The following PCBD2 variants were observed in gnomAD, a reference collection of about 807,000 sequenced individuals.
PCBD2 encodes pterin-4-alpha-carbinolamine dehydratase 2.
PCBD2 carries 12 observed loss-of-function variants against 16.4 expected under a neutral mutation model. That is an observed-to-expected ratio of 0.73 (90% confidence interval 0.47 to 1.19). PCBD2 has a LOEUF of 1.19. Among genes scored for constraint, PCBD2 ranks in the 50% most tolerant of loss-of-function variants. The pLI, the probability that PCBD2 is intolerant of heterozygous loss-of-function variation, is 0.00. For missense variants in PCBD2, 138 were observed against 156.8 expected (o/e 0.88, Z 0.64); for synonymous variants, 58 against 61.8 (o/e 0.94, Z 0.29).
chr5:134,915,099 G>A (rs1327432316), intron 2 of PCBD2, among the ~76,000 whole-genome samples: 3 of 152,020 alleles, frequency 2.0e-5, no homozygotes, highest in Non-Finnish European at 2.9e-5. Flanking sequence ...GGTGGATCAC[G>A]AAGTCAGGAG....
At chr5:134,913,880 A>G (rs1445480013) in intron 2 of PCBD2, among the ~76,000 whole-genome samples, 3 of 152,136 alleles carry the variant, frequency 2.0e-5, no homozygotes, top group Non-Finnish European at 4.4e-5. Context: ...GGTTCAAGCT[A>G]TAGTGTAAAG....
chr5:134,912,109 A>C (rs1750775182), intron 2 of PCBD2, among the ~76,000 whole-genome samples: 1 of 152,182 alleles, frequency 6.6e-6, no homozygotes, highest in Non-Finnish European at 1.5e-5. Flanking sequence ...AGGGAAGCAT[A>C]CTGGATTGAT....
intron 2 of PCBD2, among the ~76,000 whole-genome samples, chr5:134,946,694 T>A (rs1245099972): frequency 6.6e-6 from 1 of 152,204 alleles, no homozygotes; most frequent in African/African-American, 2.4e-5. Context: ...TTATAGAAAA[T>A]GTATTTACTG....
chr5:134,919,005 C>T (rs900233907), intron 2 of PCBD2, among the ~76,000 whole-genome samples: 2 of 152,208 alleles, frequency 1.3e-5, no homozygotes, highest in African/African-American at 4.8e-5. Flanking sequence ...AAACAGGTGT[C>T]AACAATGCAA....
intron 1 of PCBD2, among the ~76,000 whole-genome samples, chr5:134,907,246 ATTCT>A (rs1274206841): frequency 1.3e-5 from 2 of 152,216 alleles, no homozygotes; most frequent in Admixed American, 1.3e-4. Flanking sequence ...GAATTTCAGA[ATTCT>A]TTCTTTTTTT....
At chr5:134,914,374 G>A (rs921204220) in intron 2 of PCBD2, among the ~76,000 whole-genome samples, 9 of 152,160 alleles carry the variant, frequency 5.9e-5, no homozygotes, top group Non-Finnish European at 8.8e-5. Flanking sequence ...CTTGAGAAAC[G>A]TGGCTGGTTG....
At chr5:134,938,842 A>G (rs1365356930) in intron 2 of PCBD2, among the ~76,000 whole-genome samples, 1 of 152,228 alleles carries the variant, frequency 6.6e-6, no homozygotes, top group African/African-American at 2.4e-5. Context: ...ATTTATTACT[A>G]ACTCATAAAG....
intron 2 of PCBD2, chr5:134,928,137 G>A (rs1468720500): frequency 2.6e-6 from 1 of 391,850 alleles, no homozygotes; most frequent in Non-Finnish European, 4.5e-6. Context: ...GCAAAGACTA[G>A]TATGGCGATA....
intron 2 of PCBD2, among the ~76,000 whole-genome samples, chr5:134,914,612 G>GGGAA: frequency 6.6e-6 from 1 of 152,222 alleles, no homozygotes; most frequent in South Asian, 2.1e-4. Context: ...CGGCAGGGTA[G>GGGAA]GGAAGTACAG....
At chr5:134,943,223 C>T (rs1420266573) in intron 2 of PCBD2, among the ~76,000 whole-genome samples, 1 of 152,180 alleles carries the variant, frequency 6.6e-6, no homozygotes, top group Non-Finnish European at 1.5e-5. Flanking sequence ...CAGAAAACCC[C>T]TTCCATTCAT....
At chr5:134,923,538 T>A (rs1364781699) in intron 2 of PCBD2, 2 of 307,722 alleles carry the variant, frequency 6.5e-6, no homozygotes, top group African/African-American at 4.3e-5. Context: ...GGTGGGACTA[T>A]CTACTGAGTA....
At chr5:134,950,500 A>G (rs1751347076) in intron 2 of PCBD2, among the ~76,000 whole-genome samples, 1 of 152,180 alleles carries the variant, frequency 6.6e-6, no homozygotes, top group Non-Finnish European at 1.5e-5. Context: ...TTGATGCACG[A>G]TTTTTGTCTT....
rs11301782 is a variant in PCBD2 at position 134,939,340 on chromosome 5, GTT to G, written c.217-19688_217-19687del. Among the ~76,000 whole-genome samples, 29 of 138,550 alleles carry G rather than the reference GTT, an allele frequency of 2.1e-4. No individual in the cohort carries two copies. The East Asian group carries it at 4.3e-3, about 20-fold the overall frequency. The allele number at this position is 138,550 out of a possible 152,430, so 90.9% of individuals were successfully genotyped here. ...TATTTTCAGGTTTTGATGTTTTGTT[GTT>G]TTTTTTTTTTTGAGATTCTGAAGTT... is the stretch of plus-strand genomic sequence containing the variant. On this transcript the variant is annotated intron_variant, in intron 2 of 3. Coordinates refer to ENST00000254908, the MANE Select transcript of PCBD2 (RefSeq NM_032151.5).
At chr5:134,942,448 CATT>C (rs1467469569) in intron 2 of PCBD2, among the ~76,000 whole-genome samples, 2 of 151,962 alleles carry the variant, frequency 1.3e-5, no homozygotes, top group South Asian at 2.1e-4. Flanking sequence ...TATAAATGCT[CATT>C]ATATTTTCCC....
chr5:134,932,861 A>C (rs1751115336), intron 2 of PCBD2, among the ~76,000 whole-genome samples: 1 of 152,106 alleles, frequency 6.6e-6, no homozygotes, highest in Admixed American at 6.6e-5. Context: ...TGTGTTTAAA[A>C]CTGTGAGCTT....
intron 2 of PCBD2, among the ~76,000 whole-genome samples, chr5:134,937,515 A>G (rs1291333634): frequency 6.6e-6 from 1 of 152,244 alleles, no homozygotes; most frequent in Non-Finnish European, 1.5e-5. Context: ...TACATTGCCT[A>G]TTTACCAATT....
At chr5:134,952,277 A>C (rs1156944158) in intron 2 of PCBD2, among the ~76,000 whole-genome samples, 1 of 152,038 alleles carries the variant, frequency 6.6e-6, no homozygotes, top group East Asian at 1.9e-4. Context: ...CGTATTAAGG[A>C]AGGATGCATC....
chr5:134,959,679 T>G (rs1751453527), intron 3 of PCBD2, among the ~76,000 whole-genome samples: 1 of 152,126 alleles, frequency 6.6e-6, no homozygotes, highest in Admixed American at 6.5e-5. Context: ...TTCTATGAAG[T>G]CTTCTCTGTG....
Position 134,949,207 on chromosome 5 carries a change from C to T in PCBD2, c.217-9833C>T, listed in dbSNP as rs1003358963. ...GTTCCGCAAGGAAATCTTCCCGTGCCGACACCCACTCAGAGAAACAGTGCT... is the reference window on the plus strand; with the variant it reads ...GTTCCGCAAGGAAATCTTCCCGTGCTGACACCCACTCAGAGAAACAGTGCT... On this transcript the variant is annotated intron_variant, in intron 2 of 3. Transcript: ENST00000254908. Among the ~76,000 whole-genome samples the T allele has an allele frequency of 6.6e-5, 10 of 152,164 alleles. No individual in the cohort carries two copies. The South Asian group carries it at 1.0e-3, about 16-fold the overall frequency.
Sources: allele counts gnomAD v4.1 joint callset (sites outside exome capture counted in the v4.1 genomes callset), GRCh38; gene constraint gnomAD v4.1.1; transcripts MANE v1.5; gene names NCBI Gene and HGNC (gene_info 2026-07-23, HGNC 2026-07-21).